The following DIP2C variants were observed in gnomAD, a reference collection of about 807,000 sequenced individuals.
The protein encoded by DIP2C is DIP2 acetate--CoA ligase C (putative), also known as disco-interacting protein 2 homolog C.
DIP2C carries 33 observed loss-of-function variants against 192.4 expected under a neutral mutation model. The ratio of observed to expected loss-of-function variants is 0.17; its 90% CI spans 0.13 to 0.23. DIP2C has a LOEUF of 0.23. DIP2C is among the 10% of genes least tolerant of loss of function. The pLI, the probability that DIP2C is intolerant of heterozygous loss-of-function variation, is 1.00. For missense variants in DIP2C, 1,537 were observed against 2,110.1 expected (o/e 0.73, Z 5.32); for synonymous variants, 979 against 864.1 (o/e 1.13, Z -2.33).
At chr10:653,104 G>A (rs1027909514) in intron 1 of DIP2C, among the ~76,000 whole-genome samples, 7 of 151,744 alleles carry the variant, frequency 4.6e-5, no homozygotes, top group East Asian at 3.9e-4. Flanking sequence ...GAGGGGTGAC[G>A]TCTGTACTGC....
rs566801749 is a variant in DIP2C at position 326,042 on chromosome 10, G to A, written c.3924+964C>T. 1.1e-4 allele frequency among the ~76,000 whole-genome samples: 17 copies of A among 152,126 alleles called. No individual in the cohort carries two copies. In the East Asian group the frequency reaches 1.2e-3, roughly 10 times the overall value. ...CAAAAAATTTAAAAATTAGCCAGGC[G>A]TGGTGGTGTGCACCTGTAGTCCCAG... On this transcript the variant is annotated intron_variant, in intron 31 of 36. Transcript: ENST00000280886.
chr10:682,907 A>G (rs1564339423), intron 1 of DIP2C, among the ~76,000 whole-genome samples: 2 of 152,234 alleles, frequency 1.3e-5, no homozygotes, highest in Non-Finnish European at 2.9e-5. Context: ...ATTTAAAACC[A>G]GGAGCCCAAA....
chr10:362,858 C>T (rs1347261833), intron 21 of DIP2C, among the ~76,000 whole-genome samples, 167 bp from the exon 22 acceptor site: 7 of 152,120 alleles, frequency 4.6e-5, no homozygotes, highest in Middle Eastern at 3.4e-3. Context: ...ACTAAACTCA[C>T]CAAAGCTGAA....
At chr10:626,952 C>T (rs1304984048) in intron 1 of DIP2C, among the ~76,000 whole-genome samples, 3 of 152,282 alleles carry the variant, frequency 2.0e-5, no homozygotes, top group Non-Finnish European at 4.4e-5. Context: ...TACCACGCTC[C>T]TAGGAATTAC....
intron 1 of DIP2C, among the ~76,000 whole-genome samples, chr10:647,090 T>C (rs1469478553): frequency 6.0e-5 from 9 of 149,090 alleles, no homozygotes; most frequent in African/African-American, 7.4e-5. Context: ...CATTTGACGG[T>C]GGGAGAGAAC....
intron 1 of DIP2C, among the ~76,000 whole-genome samples, chr10:551,244 G>A (rs903762391): frequency 2.6e-5 from 4 of 152,238 alleles, no homozygotes; most frequent in Admixed American, 6.5e-5. Context: ...CATCGTCCAC[G>A]TACCATGCCC....
intron 1 of DIP2C, among the ~76,000 whole-genome samples, chr10:569,195 A>G (rs1588480042): frequency 6.6e-6 from 1 of 152,240 alleles, no homozygotes; most frequent in South Asian, 2.1e-4. Context: ...TCCGTGGCCC[A>G]CAAGGCATAA....
intron 31 of DIP2C, chr10:311,655 A>C: frequency 9.1e-7 from 1 of 1,098,012 alleles, no homozygotes; most frequent in Non-Finnish European, 1.2e-6. Flanking sequence ...GACACATACG[A>C]CCCGACAGTG....
intron 32 of DIP2C, among the ~76,000 whole-genome samples, chr10:308,228 G>C: frequency 6.7e-6 from 1 of 149,662 alleles, no homozygotes; most frequent in Non-Finnish European, 1.5e-5. Flanking sequence ...AGCTCCCCTC[G>C]GCACTGCTCA....
rs746283327 is a variant in DIP2C, at chr10:414,101, G to A, written c.869C>T (p.Pro290Leu). 8.1e-6 allele frequency: 13 copies of A among 1,611,420 alleles called. No homozygotes were observed. Among genetic ancestry groups the A allele is most frequent in the Middle Eastern group, 1.7e-4 (1 of 6,054 alleles). Reference sequence around the variant, plus strand: ...CTCCGGCTTTGGTTGGTTCGGATCCGGTTGTTGAACTAAATCGTTTGAATA... The same window carrying A: ...CTCCGGCTTTGGTTGGTTCGGATCCAGTTGTTGAACTAAATCGTTTGAATA... ...DFEELLEVQQ[P>L]DPNQPKPEGA... The change falls in exon 8 of 37, where the codon CCG becomes CTG. Residue 290 changes from proline (P) to leucine (L), a missense_variant. Pro to Leu is a moderately conservative substitution (Grantham distance 98). Coordinates refer to ENST00000280886, the MANE Select transcript of DIP2C (RefSeq NM_014974.3).
chr10:364,555 G>T lies in DIP2C; in HGVS notation c.2296C>A (p.Pro766Thr). Reference protein sequence around the residue: ...EVFPMTSSGAPISEYPFIRTG... With the variant: ...EVFPMTSSGATISEYPFIRTG... The stretch of plus-strand genomic sequence containing the variant: ...CTTATGAATGGGTATTCACTGATCG[G>T]AGCCCCGGAGCTTGTCATGGGAAAC... Residue 766 changes from proline to threonine, a missense_variant, in exon 20 of 37, where the codon CCG becomes ACG. Coordinates refer to ENST00000280886, the MANE Select transcript of DIP2C (RefSeq NM_014974.3). 2.5e-6 allele frequency: 4 copies of T among 1,614,054 alleles called. No homozygotes were observed. Among genetic ancestry groups the T allele is most frequent in the Non-Finnish European group, 3.4e-6 (4 of 1,179,930 alleles).
chr10:451,151 T>C (rs1968813173), intron 3 of DIP2C, among the ~76,000 whole-genome samples: 1 of 152,036 alleles, frequency 6.6e-6, no homozygotes, highest in South Asian at 2.1e-4. Context: ...CTACACCACA[T>C]CCGGAACAGG....
chr10:325,043 A>G (rs542284329), intron 31 of DIP2C: 1 of 488,292 alleles, frequency 2.0e-6, no homozygotes, highest in East Asian at 5.7e-5. Flanking sequence ...AGGAAGGCGG[A>G]TCATGAGGTC....
chr10:531,243 G>A (rs1847352888), intron 1 of DIP2C, among the ~76,000 whole-genome samples: 1 of 151,966 alleles, frequency 6.6e-6, no homozygotes, highest in Admixed American at 6.6e-5. Context: ...CAATCCCGAT[G>A]AGCACACACA....
chr10:558,366 A>G (rs1427786474), intron 1 of DIP2C, among the ~76,000 whole-genome samples: 1 of 152,280 alleles, frequency 6.6e-6, no homozygotes, highest in Non-Finnish European at 1.5e-5. Flanking sequence ...TGAATAATTT[A>G]CCTGGATGCA....
rs1274397844 is a variant in DIP2C, at chr10:513,512, G to A, written c.86-26982C>T. Among the ~76,000 whole-genome samples the A allele has an allele frequency of 5.3e-5, 8 of 151,862 alleles. No individual in the cohort carries two copies. In the East Asian group the frequency reaches 7.7e-4, roughly 15 times the overall value. On this transcript the variant is annotated intron_variant, in intron 1 of 36. Transcript: ENST00000280886. ...CGCCACACCACGGCCCGTGGCTCTC[G>A]TCCACCACAGCACACCGCAGCCCAT...
chr10:683,543 C>T (rs1831206148), intron 1 of DIP2C, among the ~76,000 whole-genome samples: 1 of 152,144 alleles, frequency 6.6e-6, no homozygotes, highest in Non-Finnish European at 1.5e-5. Context: ...AGAAACCGAC[C>T]ACGTCACCAA....
At chr10:474,283 G>T (rs149857379) in intron 2 of DIP2C, among the ~76,000 whole-genome samples, 6 of 152,134 alleles carry the variant, frequency 3.9e-5, no homozygotes, top group Non-Finnish European at 5.9e-5. Flanking sequence ...ATCAGCGTCC[G>T]CAGTGTGCTA....
intron 1 of DIP2C, among the ~76,000 whole-genome samples, chr10:507,274 C>A (rs1845669605): frequency 6.6e-6 from 1 of 150,922 alleles, no homozygotes; most frequent in Non-Finnish European, 1.5e-5. Context: ...TGTGTCCAAT[C>A]AGAGACGTAT....
Sources: allele counts gnomAD v4.1 joint callset (sites outside exome capture counted in the v4.1 genomes callset), GRCh38; gene constraint gnomAD v4.1.1; transcripts MANE v1.5; gene names NCBI Gene and HGNC (gene_info 2026-07-23, HGNC 2026-07-21).